DGKG: variants seen among roughly 807,000 people sequenced by gnomAD.
The protein encoded by DGKG is diacylglycerol kinase gamma.
A neutral mutation model predicts 105.3 loss-of-function variants in DGKG; 78 were observed. The observed-to-expected ratio is 0.74, with a 90% CI of 0.62 to 0.89. The LOEUF is 0.89. Among genes scored for constraint, DGKG ranks in the 40% least tolerant of loss-of-function variants. The probability of loss-of-function intolerance (pLI) is 0.00; values close to 1 mark genes in which losing one functional copy is unlikely to be tolerated. For synonymous variants in DGKG, 346 were observed against 367.1 expected, an observed-to-expected ratio of 0.94 and a Z score of 0.66; for missense variants, 958 against 1,020.1, an observed-to-expected ratio of 0.94 and a Z score of 0.83.
At chr3:186,318,906 C>A (rs1432451805) in intron 2 of DGKG, among the ~76,000 whole-genome samples, 1 of 152,188 alleles carries the variant, frequency 6.6e-6, no homozygotes, top group Non-Finnish European at 1.5e-5. Flanking sequence ...CGTTTCCACG[C>A]TTAGTTTATC....
At chr3:186,242,109 C>A (rs971870929) in intron 20 of DGKG, among the ~76,000 whole-genome samples, 4 of 152,188 alleles carry the variant, frequency 2.6e-5, no homozygotes, top group African/African-American at 9.6e-5. Context: ...GGGTCTCTTC[C>A]AGCCTCCCTG....
chr3:186,173,442 C>T (rs149530472), intron 22 of DGKG, among the ~76,000 whole-genome samples: 1 of 152,358 alleles, frequency 6.6e-6, no homozygotes, highest in Non-Finnish European at 1.5e-5. Flanking sequence ...ACAAGCCCAG[C>T]TCTGCTTACA....
Position 186,164,934 on chromosome 3 carries a change from C to A in DGKG, c.2180G>T (p.Gly727Val), listed in dbSNP as rs558085974. The change falls in exon 23 of 25, where the codon GGC (glycine) becomes GTC (valine). Residue 727 changes from glycine to valine, a missense_variant. Physicochemically the swap from Gly to Val is moderately radical, Grantham distance 109. Coordinates refer to ENST00000265022, the MANE Select transcript of DGKG (RefSeq NM_001346.3). The part of the protein sequence containing the change: ...GQIYTGLKSA[G>V]RRLAQCASVT... ...AGAGGCGCACTGGGCCAGCCTCCTG[C>A]CTGCACTCTTCAGGCCGGTGTAGAT... 45 of 1,613,960 alleles carry A rather than the reference C, an allele frequency of 2.8e-5. No homozygotes were observed. The South Asian group carries it at 4.9e-4, about 18-fold the overall frequency.
At chr3:186,227,183 C>T (rs1719898160) in intron 20 of DGKG, among the ~76,000 whole-genome samples, 1 of 152,124 alleles carries the variant, frequency 6.6e-6, no homozygotes, top group African/African-American at 2.4e-5. Flanking sequence ...TGACAGCATG[C>T]CTTTAAATTA....
intron 5 of DGKG, among the ~76,000 whole-genome samples, chr3:186,296,952 C>T (rs914977276): frequency 4.6e-5 from 7 of 152,098 alleles, no homozygotes; most frequent in Non-Finnish European, 7.4e-5. Context: ...TGGAAGTCAA[C>T]AAGGGCACAT....
At chr3:186,167,572 G>A (rs138828657) in intron 22 of DGKG, among the ~76,000 whole-genome samples, 2 of 152,320 alleles carry the variant, frequency 1.3e-5, no homozygotes, top group African/African-American at 4.8e-5. Context: ...ATGCAAGTCA[G>A]TGTCTAGGCA....
At chr3:186,160,121 C>T (rs974073007) in intron 24 of DGKG, 17 of 883,474 alleles carry the variant, frequency 1.9e-5, no homozygotes, top group South Asian at 5.2e-5. Flanking sequence ...CCTTTACATA[C>T]GGATTTCTGG....
rs1452823712 is a variant in DGKG at position 186,203,719 on chromosome 3, A to C, written c.1917+8076T>G. Reference sequence around the variant, plus strand: ...GCCTTACTTTTGACTCCATGGTTTGATATGTAATCAGGTTGGCCCTCTTAT... The same window carrying C: ...GCCTTACTTTTGACTCCATGGTTTGCTATGTAATCAGGTTGGCCCTCTTAT... On this transcript the variant is annotated intron_variant, in intron 21 of 24. Coordinates refer to ENST00000265022, the MANE Select transcript of DGKG (RefSeq NM_001346.3). This position sits in a 1 kb window ranked among gnomAD's most constrained non-coding sequence, Gnocchi z 4.9. Among the ~76,000 whole-genome samples the C allele has an allele frequency of 6.6e-6, 1 of 152,188 alleles. No individual in the cohort carries two copies. Among genetic ancestry groups the C allele is most frequent in the Non-Finnish European group, 1.5e-5 (1 of 68,034 alleles).
chr3:186,263,839 A>G (rs1461567871), intron 14 of DGKG, among the ~76,000 whole-genome samples: 1 of 152,206 alleles, frequency 6.6e-6, no homozygotes, highest in Non-Finnish European at 1.5e-5. Flanking sequence ...GTGGACGCAC[A>G]GCTCTGCTCC....
At chr3:186,332,713 T>C (rs1560159683) in intron 1 of DGKG, among the ~76,000 whole-genome samples, 3 of 152,216 alleles carry the variant, frequency 2.0e-5, no homozygotes, top group Admixed American at 6.5e-5. Flanking sequence ...ATTATTTGTA[T>C]AATGTTTATT....
At chr3:186,160,007 T>C (rs928095941) in intron 24 of DGKG, 8 of 227,896 alleles carry the variant, frequency 3.5e-5, no homozygotes, top group Admixed American at 2.0e-4. Flanking sequence ...TCCGGCACCT[T>C]GGTCTTGTGT....
At chr3:186,264,454 G>T (rs1274380834) in intron 14 of DGKG, among the ~76,000 whole-genome samples, 1 of 152,086 alleles carries the variant, frequency 6.6e-6, no homozygotes, top group Non-Finnish European at 1.5e-5. Flanking sequence ...AGTAGAGATG[G>T]GGTTTCACCA....
intron 2 of DGKG, among the ~76,000 whole-genome samples, chr3:186,319,693 G>A (rs886855367): frequency 3.3e-5 from 5 of 152,162 alleles, no homozygotes; most frequent in Admixed American, 3.3e-4. Context: ...AGTCCAGCAG[G>A]TTCCTCTCAC....
intron 19 of DGKG, among the ~76,000 whole-genome samples, chr3:186,250,567 T>TTTTTTTTTTTTTG (rs1721165070): frequency 6.8e-6 from 1 of 148,094 alleles, no homozygotes. Context: ...CTTTTTTTTT[T>TTTTTTTTTTTTTG]GAGACAGAGT....
At chr3:186,297,062 T>TACACACA (rs1560139860) in intron 5 of DGKG, among the ~76,000 whole-genome samples, 330 of 26,784 alleles carry the variant, frequency 0.012, 1 homozygote, top group African/African-American at 0.025. Flanking sequence ...TGTCTGTCTG[T>TACACACA]CTCTCTCACA....
intron 6 of DGKG, among the ~76,000 whole-genome samples, chr3:186,285,609 T>C (rs532100595): frequency 6.6e-6 from 1 of 152,174 alleles, no homozygotes; most frequent in South Asian, 2.1e-4. Context: ...CTGTCTGTGG[T>C]CTCATAAGTC....
intron 20 of DGKG, among the ~76,000 whole-genome samples, chr3:186,238,864 C>T (rs1454463921): frequency 2.0e-5 from 3 of 152,152 alleles, no homozygotes; most frequent in Non-Finnish European, 4.4e-5. Flanking sequence ...GGCAACAACC[C>T]ATCTAGAGAG....
intron 20 of DGKG, among the ~76,000 whole-genome samples, chr3:186,215,031 A>G (rs1719208899): frequency 6.6e-6 from 1 of 152,208 alleles, no homozygotes. Flanking sequence ...ACAGAACTCA[A>G]GGTAGGGCTT....
At chr3:186,340,228 A>G (rs1291099637) in intron 1 of DGKG, among the ~76,000 whole-genome samples, 1 of 152,228 alleles carries the variant, frequency 6.6e-6, no homozygotes, top group Admixed American at 6.5e-5. Context: ...AAAACATTGT[A>G]AATTTTCACC....
Sources: gnomAD v4.1 joint callset for allele counts (sites outside exome capture counted in the v4.1 genomes callset) on GRCh38, gnomAD v4.1.1 for gene constraint, Gnocchi (gnomAD v3.1) non-coding constraint, MANE v1.5 for transcripts, NCBI Gene and HGNC (gene_info 2026-07-23, HGNC 2026-07-21) for gene names.